Variants in SOX5 observed in about 807,000 individuals in gnomAD.
SOX5 encodes transcription factor SOX-5.
Under a neutral mutation model 92.0 loss-of-function variants are expected in SOX5, and 9 were observed. The ratio of observed to expected loss-of-function variants is 0.10; its 90% CI spans 0.06 to 0.17. SOX5 has a LOEUF of 0.17. SOX5 is among the 10% of genes least tolerant of loss of function. The probability of loss-of-function intolerance (pLI) is 1.00; values close to 1 mark genes in which losing one functional copy is unlikely to be tolerated. For synonymous variants in SOX5, 344 were observed against 336.3 expected (o/e 1.02, Z -0.25); for missense variants, 642 against 944.5 (o/e 0.68, Z 4.20).
In SOX5 at chr12:23,604,428, G is replaced by C; in HGVS notation, c.1123C>G (p.His375Asp). Residue 375 changes from histidine to aspartate, a missense_variant, in exon 9 of 15, where the codon CAC becomes GAC. This residue lies in a region of SOX5 where 324 missense variants were observed against 461.6 expected (regional missense o/e 0.70). Transcript: ENST00000451604. The stretch of plus-strand genomic sequence containing the variant: ...GGGCTGTTTGTGCTCTTGTCTGTGT[G>C]AATGCTGGTAGGAGATACAGCAGCA... ...LGAAVSPTSI[H>D]TDKSTNSPPP... is the part of the protein sequence containing the mutation. 6.2e-7 allele frequency: 1 copy of C among 1,613,814 alleles called. No individual in the cohort carries two copies. Among genetic ancestry groups the C allele is most frequent in the Non-Finnish European group, 8.5e-7 (1 of 1,179,794 alleles).
intron 2 of SOX5, among the ~76,000 whole-genome samples, chr12:23,883,682 G>C (rs530539126): frequency 6.6e-5 from 10 of 152,088 alleles, no homozygotes; most frequent in Non-Finnish European, 1.3e-4. Context: ...AGCAGTTTAA[G>C]GGTGAACTTA....
At chr12:24,385,017 TGAGA>T (rs144729275) in intron 1 of SOX5, among the ~76,000 whole-genome samples, 16 of 150,614 alleles carry the variant, frequency 1.1e-4, no homozygotes, top group South Asian at 2.1e-4. Context: ...TAAGATATTT[TGAGA>T]GAGAGAGAGA....
At chr12:23,776,499 C>T (rs2095104175) in intron 3 of SOX5, among the ~76,000 whole-genome samples, 2 of 152,100 alleles carry the variant, frequency 1.3e-5, no homozygotes, top group Non-Finnish European at 2.9e-5. Flanking sequence ...AGTCACATTC[C>T]TTGAGATGTT....
At chr12:23,740,758 G>T in intron 5 of SOX5, 109 bp downstream of exon 5, 1 of 902,760 alleles carries the variant, frequency 1.1e-6, no homozygotes, top group South Asian at 2.6e-5. Flanking sequence ...ATTTAACTGG[G>T]GAGGTGGAAG....
At chr12:23,885,969 A>G (rs1446240753) in intron 2 of SOX5, among the ~76,000 whole-genome samples, 1 of 152,080 alleles carries the variant, frequency 6.6e-6, no homozygotes, top group African/African-American at 2.4e-5. Context: ...GCCAGTACAA[A>G]TTATTAGTAT....
intron 8 of SOX5, among the ~76,000 whole-genome samples, chr12:23,637,090 T>G (rs569682441): frequency 6.6e-6 from 1 of 152,294 alleles, no homozygotes; most frequent in East Asian, 1.9e-4. Flanking sequence ...ATCATTATGT[T>G]TGCACCCAAG....
At chr12:23,939,361 G>A (rs1478302245) in intron 1 of SOX5, among the ~76,000 whole-genome samples, 5 of 150,814 alleles carry the variant, frequency 3.3e-5, no homozygotes, top group Non-Finnish European at 7.4e-5. Context: ...GGTTCAGTGA[G>A]GTTATTTTCT....
intron 2 of SOX5, among the ~76,000 whole-genome samples, chr12:24,318,431 T>G (rs982750053): frequency 6.6e-6 from 1 of 152,134 alleles, no homozygotes; most frequent in Admixed American, 6.5e-5. Flanking sequence ...TGAGAGACGG[T>G]ACATCTATGA....
chr12:24,085,657 A>T (rs1341475201), intron 4 of SOX5, among the ~76,000 whole-genome samples: 1 of 152,102 alleles, frequency 6.6e-6, no homozygotes, highest in Admixed American at 6.6e-5. Context: ...TTACTTCCTA[A>T]TAAATGGGAG....
At chr12:23,569,247 T>G (rs1947716732) in intron 10 of SOX5, among the ~76,000 whole-genome samples, 1 of 152,172 alleles carries the variant, frequency 6.6e-6, no homozygotes, top group African/African-American at 2.4e-5. Flanking sequence ...TTAAAAAAAT[T>G]GATGTCAACA....
chr12:23,888,410 G>T (rs1384551314), intron 2 of SOX5, among the ~76,000 whole-genome samples: 1 of 143,426 alleles, frequency 7.0e-6, no homozygotes, highest in Non-Finnish European at 1.5e-5. Flanking sequence ...AACTCCCATA[G>T]CACTTTTTTT....
intron 1 of SOX5, among the ~76,000 whole-genome samples, chr12:24,519,364 G>A (rs1425283249): frequency 1.3e-5 from 2 of 152,056 alleles, no homozygotes; most frequent in Non-Finnish European, 2.9e-5. Context: ...AATAGTAAGG[G>A]AGCAGAAAGA....
intron 1 of SOX5, among the ~76,000 whole-genome samples, chr12:24,382,457 C>T (rs933438120): frequency 2.6e-5 from 4 of 151,676 alleles, no homozygotes; most frequent in East Asian, 1.9e-4. Context: ...AGGAAAATGG[C>T]GGAAGGGGAA....
At position 23,895,195 on chromosome 12, in the gene SOX5, C is replaced by A. The variant is rs1220297049; in HGVS notation, c.270+598G>T. 2.5e-5 allele frequency among the ~76,000 whole-genome samples: 3 copies of A among 120,458 alleles called. No homozygotes were observed. The East Asian group carries it at 6.6e-4, about 27-fold the overall frequency. 79.0% of individuals were successfully genotyped at this position (120,458 alleles called of 152,430 possible). On this transcript the variant is annotated intron_variant, in intron 2 of 14. Transcript: ENST00000451604. Reference sequence around the variant, plus strand: ...GAGGATTTATCCAGAGTTGCATATTCCAGAATAGGATGCAAAAAAAAAAAA... The same window carrying A: ...GAGGATTTATCCAGAGTTGCATATTACAGAATAGGATGCAAAAAAAAAAAA...
At chr12:24,473,643 T>A (rs1945046026) in intron 1 of SOX5, among the ~76,000 whole-genome samples, 1 of 152,238 alleles carries the variant, frequency 6.6e-6, no homozygotes, top group Non-Finnish European at 1.5e-5. Context: ...GTTCAATTGC[T>A]GTTGAACAAA....
At chr12:23,693,543 A>G (rs922008170) in intron 6 of SOX5, among the ~76,000 whole-genome samples, 32 of 152,278 alleles carry the variant, frequency 2.1e-4, no homozygotes, top group African/African-American at 7.7e-4. Context: ...ATTTTCCCAG[A>G]TATTTAAAAT....
intron 1 of SOX5, among the ~76,000 whole-genome samples, chr12:24,512,883 G>A (rs1949451454): frequency 6.6e-6 from 1 of 152,168 alleles, no homozygotes; most frequent in South Asian, 2.1e-4. Flanking sequence ...CATTAGGTAG[G>A]CTTAATCAAG....
chr12:23,707,477 T>C (rs1185706050), intron 6 of SOX5, among the ~76,000 whole-genome samples: 1 of 152,132 alleles, frequency 6.6e-6, no homozygotes, highest in Admixed American at 6.6e-5. Flanking sequence ...TCAAAAAGGA[T>C]ACAGTCCCAG....
intron 4 of SOX5, among the ~76,000 whole-genome samples, chr12:24,037,606 G>T (rs1056231831): frequency 6.6e-6 from 1 of 152,096 alleles, no homozygotes; most frequent in African/African-American, 2.4e-5. Context: ...AGTATACAGT[G>T]AAATAGATCA....
Sources: gnomAD v4.1 joint callset for allele counts (sites outside exome capture counted in the v4.1 genomes callset) on GRCh38, gnomAD v4.1.1 for gene constraint, gnomAD v4.1.1 regional missense constraint, MANE v1.5 for transcripts, NCBI Gene and HGNC (gene_info 2026-07-23, HGNC 2026-07-21) for gene names.